KIAA1217: variants seen among roughly 807,000 people sequenced by gnomAD.
KIAA1217 encodes the protein sickle tail protein homolog.
KIAA1217 carries 88 observed loss-of-function variants against 163.9 expected under a neutral mutation model. The observed-to-expected ratio is 0.54, with a 90% CI of 0.45 to 0.64. The LOEUF is 0.64. Among genes scored for constraint, KIAA1217 ranks in the 30% least tolerant of loss-of-function variants. The pLI, the probability that KIAA1217 is intolerant of heterozygous loss-of-function variation, is 0.00. For synonymous variants in KIAA1217, 903 were observed against 923.1 expected (o/e 0.98, Z 0.39); for missense variants, 2,372 against 2,475.0 (o/e 0.96, Z 0.88).
intron 1 of KIAA1217, among the ~76,000 whole-genome samples, chr10:23,768,498 A>G (rs1434914555): frequency 1.3e-5 from 2 of 152,188 alleles, no homozygotes; most frequent in African/African-American, 2.4e-5. Context: ...TATTTGTTAA[A>G]TCCATCAGTG....
At chr10:23,795,958 C>T (rs934039149) in intron 1 of KIAA1217, among the ~76,000 whole-genome samples, 6 of 152,126 alleles carry the variant, frequency 3.9e-5, no homozygotes, top group East Asian at 1.9e-4. Flanking sequence ...TCAAATTGTT[C>T]GTTTACTTTT....
chr10:24,001,674 G>A (rs1436350195), intron 1 of KIAA1217, among the ~76,000 whole-genome samples: 2 of 152,198 alleles, frequency 1.3e-5, no homozygotes, highest in African/African-American at 4.8e-5. Context: ...TGAATAGGAA[G>A]ATTCAAAAGA....
intron 2 of KIAA1217, among the ~76,000 whole-genome samples, chr10:24,266,921 AG>A: frequency 6.6e-6 from 1 of 152,284 alleles, no homozygotes; most frequent in East Asian, 1.9e-4. Context: ...CATCTTTAAA[AG>A]CTGTAACACT....
At chr10:24,255,631 C>T (rs1479069158) in intron 2 of KIAA1217, 2 of 433,672 alleles carry the variant, frequency 4.6e-6, no homozygotes, top group Middle Eastern at 3.4e-4. Flanking sequence ...GTTTCCCTGC[C>T]CCCCCTGGGG....
At chr10:24,080,251 T>C (rs2061496138) in intron 2 of KIAA1217, among the ~76,000 whole-genome samples, 1 of 152,238 alleles carries the variant, frequency 6.6e-6, no homozygotes, top group South Asian at 2.1e-4. Context: ...AGATGGCTGC[T>C]GGCTGAGCAG....
chr10:24,496,976 C>A (rs2066866727), intron 8 of KIAA1217, among the ~76,000 whole-genome samples: 1 of 152,232 alleles, frequency 6.6e-6, no homozygotes, highest in Non-Finnish European at 1.5e-5. Flanking sequence ...ATTTGCAACG[C>A]CACTGGCAAT....
intron 1 of KIAA1217, among the ~76,000 whole-genome samples, chr10:23,789,425 A>G (rs1030065180): frequency 4.6e-5 from 7 of 152,292 alleles, no homozygotes; most frequent in African/African-American, 1.7e-4. Context: ...AAATATTGTT[A>G]GGCTCTTACC....
chr10:24,038,635 A>T (rs957372032), intron 2 of KIAA1217, among the ~76,000 whole-genome samples: 54 of 152,278 alleles, frequency 3.5e-4, no homozygotes, highest in African/African-American at 1.2e-3. Context: ...AGCCGAGGAA[A>T]ATTGGATCCA....
Position 24,334,438 on chromosome 10 carries a change from T to TAGAAGGAA in KIAA1217, c.355-46431_355-46430insAGAAGGAA, listed in dbSNP as rs1313698943. On this transcript the variant is annotated intron_variant, in intron 2 of 20. Coordinates refer to ENST00000376454, the MANE Select transcript of KIAA1217 (RefSeq NM_019590.5). The stretch of plus-strand genomic sequence containing the variant: ...GAGGGGTGGAGGAGGGAGGGAAGGA[T>TAGAAGGAA]GGAAGGAAGGAAGGAAGGAAGGAAG... 3.9e-3 allele frequency among the ~76,000 whole-genome samples: 325 copies of TAGAAGGAA among 82,284 alleles called. 2 individuals are homozygous for TAGAAGGAA. Among genetic ancestry groups the TAGAAGGAA allele is most frequent in the African/African-American group, 0.011 (309 of 28,454 alleles). The allele number at this position is 82,284 out of a possible 152,430, so 54.0% of individuals were successfully genotyped here.
intron 1 of KIAA1217, among the ~76,000 whole-genome samples, chr10:23,893,453 C>T: frequency 6.6e-6 from 1 of 151,966 alleles, no homozygotes; most frequent in East Asian, 1.9e-4. Flanking sequence ...CTCCTGGATT[C>T]TTTAATTTTT....
rs12763084 is a variant in KIAA1217, at chr10:24,094,078, T to C, written c.-171+86704T>C. ...TTGGACATTTGGGTTGGTTCCAAGTTTTTGCTATTGTGAATAGTGCCGCAA... is the reference window on the plus strand; with the variant it reads ...TTGGACATTTGGGTTGGTTCCAAGTCTTTGCTATTGTGAATAGTGCCGCAA... On this transcript the variant is annotated intron_variant, in intron 2 of 18. Transcript: ENST00000376462. Among the ~76,000 whole-genome samples the C allele has an allele frequency of 5.9e-5, 9 of 151,966 alleles. No individual in the cohort carries two copies. The East Asian group carries it at 9.7e-4, about 16-fold the overall frequency.
rs566121330 is a variant in KIAA1217 at position 24,014,968 on chromosome 10, A to T, written c.-171+7594A>T. Among the ~76,000 whole-genome samples the T allele has an allele frequency of 3.1e-4, 47 of 152,096 alleles. No homozygotes were observed. In the South Asian group the frequency reaches 8.9e-3, roughly 29 times the overall value. Reference sequence around the variant, plus strand: ...CTTCGATCAAAAATATAATTCTAAAATAATATTATTCAAAAATATAATAAT... The same window carrying T: ...CTTCGATCAAAAATATAATTCTAAATTAATATTATTCAAAAATATAATAAT... On this transcript the variant is annotated intron_variant, in intron 2 of 18. Transcript: ENST00000376462.
intron 2 of KIAA1217, among the ~76,000 whole-genome samples, chr10:24,338,107 C>T (rs1419651676): frequency 1.3e-5 from 2 of 152,190 alleles, no homozygotes; most frequent in African/African-American, 4.8e-5. Context: ...GTCCCACCAG[C>T]CTCACTCAAT....
chr10:24,076,329 G>T (rs1184073488), intron 2 of KIAA1217, among the ~76,000 whole-genome samples: 1 of 152,308 alleles, frequency 6.6e-6, no homozygotes, highest in East Asian at 1.9e-4. Flanking sequence ...GAGAGGCGCA[G>T]GGCCCCATAG....
At chr10:24,533,607 C>A (rs947358452) in intron 16 of KIAA1217, among the ~76,000 whole-genome samples, 8 of 152,210 alleles carry the variant, frequency 5.3e-5, no homozygotes, top group African/African-American at 1.7e-4. Context: ...GGACACGTTA[C>A]GTGGGTTCCC....
intron 6 of KIAA1217, among the ~76,000 whole-genome samples, chr10:24,487,225 C>T (rs1564778974): frequency 1.3e-5 from 2 of 152,200 alleles, no homozygotes; most frequent in Admixed American, 1.3e-4. Flanking sequence ...GCTCCGTCTC[C>T]ACCATCCAGG....
chr10:24,480,341 G>A (rs114322309), intron 6 of KIAA1217, among the ~76,000 whole-genome samples: 159 of 152,282 alleles, frequency 1.0e-3, no homozygotes, highest in African/African-American at 3.5e-3. Flanking sequence ...CCTCCTCCTC[G>A]TGATAAAGCA....
In KIAA1217 at chr10:24,021,264, A is replaced by T. The variant is rs551171912; in HGVS notation, c.-171+13890A>T. 2.1e-4 allele frequency among the ~76,000 whole-genome samples: 32 copies of T among 152,110 alleles called. 1 individual carries two copies. In the South Asian group the frequency reaches 6.4e-3, roughly 31 times the overall value. On this transcript the variant is annotated intron_variant, in intron 2 of 18. Transcript: ENST00000376462. ...AGCAACTATAGCAAGATTGTAGGAT[A>T]TGAGGTTAATATACAAAAGCCAATT...
chr10:24,140,888 C>A (rs941297246), intron 2 of KIAA1217, among the ~76,000 whole-genome samples: 1 of 152,112 alleles, frequency 6.6e-6, no homozygotes, highest in African/African-American at 2.4e-5. Flanking sequence ...TGTCTTATTG[C>A]ATTGTCAACA....
Sources: allele counts gnomAD v4.1 joint callset (sites outside exome capture counted in the v4.1 genomes callset), GRCh38; gene constraint gnomAD v4.1.1; transcripts MANE v1.5; gene names NCBI Gene and HGNC (gene_info 2026-07-23, HGNC 2026-07-21).